The following PTPRS variants were observed in gnomAD, a reference collection of about 807,000 sequenced individuals.
The protein encoded by PTPRS is receptor-type tyrosine-protein phosphatase S.
PTPRS carries 63 observed loss-of-function variants against 215.3 expected under a neutral mutation model. The ratio of observed to expected loss-of-function variants is 0.29; its 90% CI spans 0.24 to 0.36. PTPRS has a LOEUF of 0.36. Among genes scored for constraint, PTPRS ranks in the 10% least tolerant of loss-of-function variants. PTPRS has a pLI of 1.00. For synonymous variants in PTPRS, 1,404 were observed against 1,191.4 expected (o/e 1.18, Z -3.68); for missense variants, 2,258 against 2,825.8 (o/e 0.80, Z 4.56).
At chr19:5,288,493 A>G (rs939200909) in intron 1 of PTPRS, among the ~76,000 whole-genome samples, 4 of 152,224 alleles carry the variant, frequency 2.6e-5, no homozygotes, top group Admixed American at 6.5e-5. Context: ...CTTTAAGAGC[A>G]AAAGTTGCCA....
chr19:5,246,167 G>C, intron 9 of PTPRS, 122 bp from the exon 10 acceptor site: 68 of 475,878 alleles, frequency 1.4e-4, no homozygotes, highest in East Asian at 1.8e-4. Context: ...AAGAAAGAAG[G>C]AAAGAAAGAA....
Position 5,229,556 on chromosome 19 carries a change from G to A in PTPRS, c.2284C>T (p.Arg762Cys), listed in dbSNP as rs1038862962. Residue 762 changes from arginine (R) to cysteine (C), a missense_variant, in exon 15 of 38, where the codon CGC (arginine) becomes TGC (cysteine). Physicochemically the swap from Arg to Cys is radical, Grantham distance 180. Transcript: ENST00000262963. ...CCGCGGGCCTCGGCGCCCTCCATGCGCACGTAGTGGACCTGGTAGCCGCGG... is the reference window on the plus strand; with the variant it reads ...CCGCGGGCCTCGGCGCCCTCCATGCACACGTAGTGGACCTGGTAGCCGCGG... ...QIRGYQVHYV[R>C]MEGAEARGPP... is the part of the protein sequence containing the mutation. 104 of 1,465,366 alleles carry A rather than the reference G, an allele frequency of 7.1e-5. 1 individual carries two copies. The highest frequency in any genetic ancestry group is 8.6e-5 in the Non-Finnish European group (95 of 1,110,572). 90.8% of individuals were successfully genotyped at this position (1,465,366 alleles called of 1,614,324 possible).
At chr19:5,325,479 T>C (rs964593665) in intron 1 of PTPRS, among the ~76,000 whole-genome samples, 1 of 151,746 alleles carries the variant, frequency 6.6e-6, no homozygotes, top group African/African-American at 2.4e-5. Context: ...ATCTGAGACA[T>C]TTTAACCTGG....
Position 5,340,746 on chromosome 19 carries a change from G to C in PTPRS, c.-177C>G, listed in dbSNP as rs1440966606. 1 of 150,126 alleles carries C rather than the reference G, an allele frequency of 6.7e-6. No individual in the cohort carries two copies. The highest frequency in any genetic ancestry group is 6.6e-5 in the Admixed American group (1 of 15,108). The allele number at this position is 150,126 out of a possible 1,614,324, so 9.3% of individuals were successfully genotyped here. A position where few individuals can be genotyped will look rare whatever the true frequency, so the allele number is the denominator to read the frequency against. The stretch of plus-strand genomic sequence containing the variant: ...TGCATGGGATCCGAGCGGAGCCCGA[G>C]CGCCAGCGGCTCGCGGCGTGCGCGC... On this transcript the variant is annotated 5_prime_UTR_variant, in exon 1 of 38. Transcript: ENST00000262963.
At chr19:5,236,065 T>G (rs2043416119) in intron 13 of PTPRS, among the ~76,000 whole-genome samples, 1 of 152,140 alleles carries the variant, frequency 6.6e-6, no homozygotes, top group African/African-American at 2.4e-5. Context: ...ACCCCTCAGG[T>G]GGTCAGAACT....
chr19:5,231,810 C>T lies in PTPRS; in HGVS notation c.1850-195G>A, dbSNP rs1049992711. Among the ~76,000 whole-genome samples the T allele has an allele frequency of 8.2e-5, 6 of 73,440 alleles. No individual in the cohort carries two copies. The East Asian group carries it at 1.9e-3, about 23-fold the overall frequency. 48.2% of individuals were successfully genotyped at this position (73,440 alleles called of 152,430 possible). A position where few individuals can be genotyped will look rare whatever the true frequency, so the allele number is the denominator to read the frequency against. On this transcript the variant is annotated intron_variant, in intron 13 of 37. Coordinates refer to ENST00000262963, the MANE Select transcript of PTPRS (RefSeq NM_002850.4). ...AAGGTGGGATGGGCGGGTGGATGGG[C>T]GGGCAGGTGGGATGGGGCTGGGAGG...
chr19:5,238,800 G>A (rs2043713117), intron 13 of PTPRS, 119 bp downstream of exon 13: 2 of 1,335,912 alleles, frequency 1.5e-6, no homozygotes, highest in Non-Finnish European at 2.0e-6. Context: ...GCGGAGACAG[G>A]CCGGGAGGCG....
rs1487643994 is a variant in PTPRS, at chr19:5,257,463, G to A, written c.706+554C>T. The A allele has an allele frequency of 2.2e-5, 10 of 457,906 alleles. No individual in the cohort carries two copies. In the East Asian group the frequency reaches 2.7e-4, roughly 13 times the overall value. 28.4% of individuals were successfully genotyped at this position (457,906 alleles called of 1,614,324 possible). A position where few individuals can be genotyped will look rare whatever the true frequency, so the allele number is the denominator to read the frequency against. On this transcript the variant is annotated intron_variant, in intron 8 of 37. Coordinates refer to ENST00000262963, the MANE Select transcript of PTPRS (RefSeq NM_002850.4). The surrounding 1 kb of genome is among the most constrained non-coding windows in gnomAD (Gnocchi z 4.4). ...TCATTAGGAAGAGGCAGAAGGCGCCGGGCTCCGGACCAGCTGGTGGGGGGT... is the reference window on the plus strand; with the variant it reads ...TCATTAGGAAGAGGCAGAAGGCGCCAGGCTCCGGACCAGCTGGTGGGGGGT...
chr19:5,268,780 AG>A (rs1398987493), intron 4 of PTPRS, among the ~76,000 whole-genome samples: 1 of 152,228 alleles, frequency 6.6e-6, no homozygotes, highest in Admixed American at 6.5e-5. Context: ...CACTTGTCCC[AG>A]GTCATACAGC....
intron 1 of PTPRS, among the ~76,000 whole-genome samples, chr19:5,328,219 C>T (rs1600136319): frequency 6.6e-6 from 1 of 152,250 alleles, no homozygotes; most frequent in South Asian, 2.1e-4. Context: ...CGGGTTCAAG[C>T]GATTCTCCTG....
chr19:5,288,258 CCAGT>C (rs1468637943), intron 1 of PTPRS, among the ~76,000 whole-genome samples: 7 of 152,076 alleles, frequency 4.6e-5, no homozygotes, highest in Non-Finnish European at 7.4e-5. Flanking sequence ...TATAGATAGG[CCAGT>C]CAGTCAGCAG....
rs960172928 is a variant in PTPRS, at chr19:5,339,654, C to G, written c.-95+1010G>C. ...CCGCAACCTGGCCGAACCCTCGCAC[C>G]CACGGCGCGGGCACTCTAACCTGGG... On this transcript the variant is annotated intron_variant, in intron 1 of 37. Transcript: ENST00000262963. The surrounding 1 kb of genome is among the most constrained non-coding windows in gnomAD (Gnocchi z 4.2). Among the ~76,000 whole-genome samples, 1 of 151,942 alleles carries G rather than the reference C, an allele frequency of 6.6e-6. No homozygotes were observed. The highest frequency in any genetic ancestry group is 2.4e-5 in the African/African-American group (1 of 41,408).
chr19:5,232,886 G>A (rs1319383690), intron 13 of PTPRS, among the ~76,000 whole-genome samples: 1 of 140,092 alleles, frequency 7.1e-6, no homozygotes, highest in Non-Finnish European at 1.6e-5. Flanking sequence ...AAGCACCTAC[G>A]ATGTGCCAGC....
rs1285131761 is a variant in PTPRS, at chr19:5,295,236, T to C, written c.-94-9002A>G. On this transcript the variant is annotated intron_variant, in intron 1 of 37. Transcript: ENST00000262963. This position sits in a 1 kb window ranked among gnomAD's most constrained non-coding sequence, Gnocchi z 4.6. ...ACAGGTGCTCAATGAATCCACACTGTCAGGAGGCTTGGGGCTGCATGACCT... is the reference window on the plus strand; with the variant it reads ...ACAGGTGCTCAATGAATCCACACTGCCAGGAGGCTTGGGGCTGCATGACCT... Among the ~76,000 whole-genome samples, 1 of 152,296 alleles carries C rather than the reference T, an allele frequency of 6.6e-6. No individual in the cohort carries two copies. Among genetic ancestry groups the C allele is most frequent in the East Asian group, 1.9e-4 (1 of 5,176 alleles).
intron 25 of PTPRS, among the ~76,000 whole-genome samples, chr19:5,217,984 T>C (rs2041636969): frequency 6.6e-6 from 1 of 152,090 alleles, no homozygotes; most frequent in South Asian, 2.1e-4. Flanking sequence ...AGGTATAATT[T>C]CTGTACCTTG....
intron 17 of PTPRS, 43 bp downstream of exon 17, chr19:5,225,684 G>A (rs1459407461): frequency 1.3e-6 from 2 of 1,524,896 alleles, no homozygotes; most frequent in South Asian, 1.1e-5. Context: ...GCCAGTGGGG[G>A]CAAAGGGGCT....
intron 17 of PTPRS, among the ~76,000 whole-genome samples, 183 bp downstream of exon 17, chr19:5,225,544 C>CG (rs35664173): frequency 0.11 from 14,175 of 128,632 alleles, 786 homozygotes; most frequent in African/African-American, 0.17. Context: ...GAGGCAGGGG[C>CG]GGGGGGGGCC....
intron 1 of PTPRS, among the ~76,000 whole-genome samples, chr19:5,315,361 T>C (rs1311253058): frequency 0.037 from 3,635 of 98,854 alleles, 331 homozygotes; most frequent in Middle Eastern, 0.068. Context: ...GTTTTTTTTT[T>C]TTTTTTTTTT....
chr19:5,319,272 G>A (rs1398511534), intron 1 of PTPRS, among the ~76,000 whole-genome samples: 6 of 152,054 alleles, frequency 3.9e-5, no homozygotes, highest in Non-Finnish European at 5.9e-5. Flanking sequence ...TTAGCCATGC[G>A]TGGTGGTGTG....
Sources: allele counts gnomAD v4.1 joint callset (sites outside exome capture counted in the v4.1 genomes callset), GRCh38; gene constraint gnomAD v4.1.1; non-coding constraint Gnocchi (gnomAD v3.1); transcripts MANE v1.5; gene names NCBI Gene and HGNC (gene_info 2026-07-23, HGNC 2026-07-21).